Variants in DOC2A observed in about 807,000 individuals in gnomAD.
The protein encoded by DOC2A is double C2 domain alpha, also known as double C2-like domain-containing protein alpha.
A neutral mutation model predicts 40.6 loss-of-function variants in DOC2A; 28 were observed. The observed-to-expected ratio is 0.69, with a 90% CI of 0.51 to 0.95. The LOEUF is 0.95. DOC2A is among the 40% of genes least tolerant of loss of function. The probability of loss-of-function intolerance (pLI) is 0.00; values close to 1 mark genes in which losing one functional copy is unlikely to be tolerated. For synonymous variants in DOC2A, 241 were observed against 236.9 expected, an observed-to-expected ratio of 1.02 and a Z score of -0.16; for missense variants, 474 against 552.5, an observed-to-expected ratio of 0.86 and a Z score of 1.42.
upstream of DOC2A, chr16:30,013,614 A>ATAAAATAAAAT (rs765064092): frequency 5.6e-5 from 8 of 143,928 alleles, no homozygotes; most frequent in Non-Finnish European, 9.0e-5. Context: ...AAAAAAAAAA[A>ATAAAATAAAAT]AAAAAAAAAA....
chr16:30,007,001 A>G lies in DOC2A; in HGVS notation c.714+30T>C, dbSNP rs1596697060. 3.1e-6 allele frequency: 5 copies of G among 1,613,528 alleles called. No homozygotes were observed. In the South Asian group the frequency reaches 3.3e-5, roughly 11 times the overall value. Reference sequence around the variant, plus strand: ...TGGGCCCCTGCAGCCTCCCACCCACATGCATCCCCATCCCCATGAGGTGCC... The same window carrying G: ...TGGGCCCCTGCAGCCTCCCACCCACGTGCATCCCCATCCCCATGAGGTGCC... On this transcript the variant is annotated intron_variant, in intron 7 of 10. Coordinates refer to ENST00000350119, the MANE Select transcript of DOC2A (RefSeq NM_003586.3).
Position 30,010,149 on chromosome 16 carries a change from G to A in DOC2A, c.74C>T (p.Pro25Leu), listed in dbSNP as rs2070739184. 4.3e-6 allele frequency: 7 copies of A among 1,613,990 alleles called. No homozygotes were observed. Among genetic ancestry groups the A allele is most frequent in the Non-Finnish European group, 5.9e-6 (7 of 1,179,948 alleles). ...AGAGATCTGGCGGATGGGCCGGATGGGCCCGGGGCACACGTTGATGGCCAT... is the reference window on the plus strand; with the variant it reads ...AGAGATCTGGCGGATGGGCCGGATGAGCCCGGGGCACACGTTGATGGCCAT... The part of the protein sequence containing the change: ...EHMAINVCPG[P>L]IRPIRQISDY... The change falls in exon 2 of 11, where the codon CCC becomes CTC. Residue 25 changes from proline to leucine, a missense_variant. Transcript: ENST00000350119. This position sits in a 1 kb window ranked among gnomAD's most constrained non-coding sequence, Gnocchi z 4.2.
In DOC2A at chr16:30,009,180, C is replaced by CGGGGCGGGGG; in HGVS notation, c.417+21_417+22insCCCCCGCCCC. ...GGCTGGAGTCATGGGCTGGGCCGGG[C>CGGGGCGGGGG]GGGGCGAGAGGAGGCTGTTACCTTA... On this transcript the variant is annotated intron_variant, in intron 4 of 10. Transcript: ENST00000350119. This position sits in a 1 kb window ranked among gnomAD's most constrained non-coding sequence, Gnocchi z 4.1. 1 of 1,257,708 alleles carries CGGGGCGGGGG rather than the reference C, an allele frequency of 8.0e-7. No homozygotes were observed. The highest frequency in any genetic ancestry group is 1.1e-6 in the Non-Finnish European group (1 of 904,448). 77.9% of individuals were successfully genotyped at this position (1,257,708 alleles called of 1,614,324 possible). A position where few individuals can be genotyped will look rare whatever the true frequency, so the allele number is the denominator to read the frequency against.
chr16:30,005,909 C>A lies in DOC2A; in HGVS notation c.*277G>T, dbSNP rs951110222. On this transcript the variant is annotated 3_prime_UTR_variant, in exon 11 of 11. Coordinates refer to ENST00000350119, the MANE Select transcript of DOC2A (RefSeq NM_003586.3). ...CGTGGAGAGGCAGGAGTGAGGAGCG[C>A]GGGGGCCTGGGGCCGGGCTCTGAGC... 2 of 534,274 alleles carry A rather than the reference C, an allele frequency of 3.7e-6. No homozygotes were observed. Among genetic ancestry groups the A allele is most frequent in the Admixed American group, 6.9e-5 (2 of 29,058 alleles). The allele number at this position is 534,274 out of a possible 1,614,324, so 33.1% of individuals were successfully genotyped here. A position where few individuals can be genotyped will look rare whatever the true frequency, so the allele number is the denominator to read the frequency against.
Position 30,009,660 on chromosome 16 carries a change from C to G in DOC2A, c.263-103G>C, listed in dbSNP as rs549772246. On this transcript the variant is annotated intron_variant, in intron 2 of 10. Transcript: ENST00000350119. The surrounding 1 kb of genome is among the most constrained non-coding windows in gnomAD (Gnocchi z 4.1). ...TGTGTGTCTCTCTCTCTTGCCAGCC[C>G]GCGAGTGTGAGTGCAAGAGGCTGAG... is the stretch of plus-strand genomic sequence containing the variant. 7 of 1,155,398 alleles carry G rather than the reference C, an allele frequency of 6.1e-6. No homozygotes were observed. The highest frequency in any genetic ancestry group is 7.5e-6 in the Non-Finnish European group (6 of 797,536). 71.6% of individuals were successfully genotyped at this position (1,155,398 alleles called of 1,614,324 possible). A position where few individuals can be genotyped will look rare whatever the true frequency, so the allele number is the denominator to read the frequency against.
At chr16:30,011,420 A>G (rs2070777109), upstream of DOC2A, 4 of 984,764 alleles carry the variant, frequency 4.1e-6, no homozygotes, top group Non-Finnish European at 4.8e-6. Context: ...GTGTTCCCCA[A>G]CTACTCCTGG....
chr16:30,008,321 CTCTGAGAAGGGG>C (rs2070679304), intron 5 of DOC2A: 1 of 156,628 alleles, frequency 6.4e-6, no homozygotes, highest in Non-Finnish European at 1.4e-5. Flanking sequence ...AAGCCAAGGG[CTCTGAGAAGGGG>C]TCTCGGCAAC....
In DOC2A at chr16:30,007,944, A is replaced by G. The variant is rs185489702; in HGVS notation, c.528-645T>C. The G allele has an allele frequency of 2.3e-4, 36 of 158,694 alleles. No homozygotes were observed. The East Asian group carries it at 6.5e-3, about 29-fold the overall frequency. 9.8% of individuals were successfully genotyped at this position (158,694 alleles called of 1,614,324 possible). A position where few individuals can be genotyped will look rare whatever the true frequency, so the allele number is the denominator to read the frequency against. On this transcript the variant is annotated intron_variant, in intron 5 of 10. Transcript: ENST00000350119. ...GTAAATGGAGATAGTCAAGGGAAAG[A>G]AAGAAATGTGAAAATGCTAAGCCTG...
chr16:30,008,075 G>C (rs1034837460), intron 5 of DOC2A: 2 of 154,900 alleles, frequency 1.3e-5, no homozygotes, highest in Non-Finnish European at 2.9e-5. Context: ...CCTCTCTGCT[G>C]CACAGCCCTG....
At chr16:30,020,580 C>T (rs1264630795) in intron 1 of DOC2A, among the ~76,000 whole-genome samples, 3 of 151,930 alleles carry the variant, frequency 2.0e-5, no homozygotes, top group Non-Finnish European at 4.4e-5. Context: ...CAGTCGCACA[C>T]GCCTGTAATC....
upstream of DOC2A, among the ~76,000 whole-genome samples, chr16:30,012,044 G>A (rs1304060781): frequency 6.6e-6 from 1 of 151,988 alleles, no homozygotes; most frequent in East Asian, 1.9e-4. Flanking sequence ...CCTGGCCTTC[G>A]GTCTTCACTC....
chr16:30,020,408 T>C (rs2150964922), intron 1 of DOC2A, among the ~76,000 whole-genome samples: 1 of 152,210 alleles, frequency 6.6e-6, no homozygotes. Flanking sequence ...GATAAATCCC[T>C]TCCTTTTTCT....
At chr16:30,011,111 G>C (rs1187576820), upstream of DOC2A, 2 of 732,654 alleles carry the variant, frequency 2.7e-6, no homozygotes, top group Non-Finnish European at 3.3e-6. Context: ...GGGCTGGGGA[G>C]GGGGCGGGAT....
intron 5 of DOC2A, chr16:30,008,539 C>A (rs2070685303): frequency 5.4e-6 from 1 of 186,678 alleles, no homozygotes; most frequent in South Asian, 1.1e-4. Context: ...ATGGAGTCTC[C>A]ATCACCCAGG....
upstream of DOC2A, among the ~76,000 whole-genome samples, chr16:30,016,755 A>G (rs1159878673): frequency 6.6e-6 from 1 of 152,160 alleles, no homozygotes; most frequent in Non-Finnish European, 1.5e-5. Flanking sequence ...TCGACTATAG[A>G]TTGTGGGGAT....
At chr16:30,021,210 G>A (rs2070904547) in exon 1 of DOC2A, 1 of 152,136 alleles carries the variant, frequency 6.6e-6, no homozygotes, top group Non-Finnish European at 1.5e-5. Flanking sequence ...TTGCGGCAGA[G>A]CACCTCACAC....
At chr16:30,008,646 A>G in intron 5 of DOC2A, 1 of 299,824 alleles carries the variant, frequency 3.3e-6, no homozygotes, top group Non-Finnish European at 6.5e-6. Flanking sequence ...TGGGATTTAC[A>G]GGTACATGCC....
chr16:30,008,719 TG>T, intron 5 of DOC2A: 1 of 395,848 alleles, frequency 2.5e-6, no homozygotes, highest in Non-Finnish European at 4.8e-6. Flanking sequence ...TTGGCCAGGC[TG>T]GTCTTGAACT....
At chr16:30,013,222 A>G (rs2070813514), upstream of DOC2A, among the ~76,000 whole-genome samples, 1 of 142,772 alleles carries the variant, frequency 7.0e-6, no homozygotes, top group East Asian at 2.0e-4. Flanking sequence ...GGTCCCAGCT[A>G]CTCAAGAGGC....
Sources: gnomAD v4.1 joint callset for allele counts (sites outside exome capture counted in the v4.1 genomes callset) on GRCh38, gnomAD v4.1.1 for gene constraint, Gnocchi (gnomAD v3.1) non-coding constraint, MANE v1.5 for transcripts, NCBI Gene and HGNC (gene_info 2026-07-23, HGNC 2026-07-21) for gene names.